The following PARN variants were observed in gnomAD, a reference collection of about 807,000 sequenced individuals.
PARN encodes poly(A)-specific ribonuclease PARN.
PARN carries 71 observed loss-of-function variants against 102.8 expected under a neutral mutation model. The ratio of observed to expected loss-of-function variants is 0.69; its 90% CI spans 0.57 to 0.84. PARN has a LOEUF of 0.84. Among genes scored for constraint, PARN ranks in the 40% least tolerant of loss-of-function variants. PARN has a pLI of 0.00. For synonymous variants in PARN, 261 were observed against 252.9 expected (o/e 1.03, Z -0.30); for missense variants, 782 against 760.9 (o/e 1.03, Z -0.33).
chr16:14,582,064 T>C, intron 17 of PARN, 117 bp downstream of exon 17: 1 of 742,588 alleles, frequency 1.3e-6, no homozygotes, highest in South Asian at 1.5e-5. Context: ...GAGAAATAAA[T>C]GTCTGTTGTT....
chr16:14,627,308 A>C lies in PARN; in HGVS notation c.206T>G (p.Phe69Cys). 6.3e-7 allele frequency: 1 copy of C among 1,593,522 alleles called. No homozygotes were observed. Among genetic ancestry groups the C allele is most frequent in the Non-Finnish European group, 8.6e-7 (1 of 1,169,318 alleles). ...KHSMDFLLFQ[F>C]GLCTFKYDYT... ...GTCATACTTAAAAGTGCAAAGGCCA[A>C]ACTGAAATAGCAAAAAGTCCATGGA... Residue 69 changes from phenylalanine to cysteine, a missense_variant, in exon 4 of 24, where the codon TTT (phenylalanine) becomes TGT (cysteine). Coordinates refer to ENST00000437198, the MANE Select transcript of PARN (RefSeq NM_002582.4).
At chr16:14,597,676 G>A (rs535799428) in intron 12 of PARN, among the ~76,000 whole-genome samples, 107 of 148,210 alleles carry the variant, frequency 7.2e-4, no homozygotes, top group Non-Finnish European at 1.3e-3. Context: ...CAGCGTGGGC[G>A]ACAAAGCAAG....
At chr16:14,492,291 C>A (rs1482506460) in intron 21 of PARN, among the ~76,000 whole-genome samples, 4 of 152,136 alleles carry the variant, frequency 2.6e-5, no homozygotes, top group African/African-American at 4.8e-5. Flanking sequence ...CATGGCAGCG[C>A]CTGACCCATG....
rs1391527113 is a variant in PARN at position 14,569,037 on chromosome 16, C to A, written c.1262+11837G>T. Among the ~76,000 whole-genome samples the A allele has an allele frequency of 2.0e-5, 3 of 151,916 alleles. No homozygotes were observed. The East Asian group carries it at 5.8e-4, about 29-fold the overall frequency. On this transcript the variant is annotated intron_variant, in intron 18 of 23. Transcript: ENST00000437198. ...GACCAGCCTGGCCAACATGGTTAAA[C>A]CCCGTCTCTACTAAAAATACAAAAA...
intron 21 of PARN, among the ~76,000 whole-genome samples, chr16:14,505,391 C>G (rs964628592): frequency 2.0e-5 from 3 of 152,162 alleles, no homozygotes; most frequent in Non-Finnish European, 4.4e-5. Flanking sequence ...GTGGGAGGAC[C>G]TCGAGCCCAG....
chr16:14,481,000 C>T (rs1231675275), intron 22 of PARN, among the ~76,000 whole-genome samples: 2 of 151,868 alleles, frequency 1.3e-5, no homozygotes, highest in African/African-American at 4.8e-5. Context: ...GCATGAAATG[C>T]TGACAAGGAT....
chr16:14,516,425 T>C (rs1050810475), intron 21 of PARN, among the ~76,000 whole-genome samples: 3 of 151,848 alleles, frequency 2.0e-5, no homozygotes, highest in African/African-American at 7.3e-5. Flanking sequence ...CCAAAACAAC[T>C]AGTCAAAATA....
rs1451759138 is a variant in PARN, at chr16:14,468,592, A to G, written c.1670+14046T>C. 2.6e-5 allele frequency among the ~76,000 whole-genome samples: 4 copies of G among 152,310 alleles called. No homozygotes were observed. In the East Asian group the frequency reaches 7.7e-4, roughly 29 times the overall value. On this transcript the variant is annotated intron_variant, in intron 22 of 23. Transcript: ENST00000437198. ...GATGGGCAGGTAAGCCATCAGCCAC[A>G]TGGGCATTAGCTAATTATTCTGTTC...
intron 18 of PARN, among the ~76,000 whole-genome samples, chr16:14,562,185 A>T (rs1258639569): frequency 6.6e-6 from 1 of 152,162 alleles, no homozygotes; most frequent in Non-Finnish European, 1.5e-5. Flanking sequence ...ATTTTAAAAA[A>T]GAAAAAAACT....
chr16:14,590,156 C>A (rs1490586437), intron 13 of PARN, among the ~76,000 whole-genome samples: 3 of 128,284 alleles, frequency 2.3e-5, no homozygotes, highest in African/African-American at 5.9e-5. Context: ...GGGGCTGAGT[C>A]AAGAGAATCA....
chr16:14,502,116 G>A (rs987489110), intron 21 of PARN, among the ~76,000 whole-genome samples: 3 of 152,168 alleles, frequency 2.0e-5, no homozygotes, highest in Non-Finnish European at 4.4e-5. Flanking sequence ...GCCTCTCTGG[G>A]CAACTGTTTT....
chr16:14,598,707 C>T (rs1970681528), intron 12 of PARN, among the ~76,000 whole-genome samples: 1 of 152,172 alleles, frequency 6.6e-6, no homozygotes, highest in Admixed American at 6.5e-5. Flanking sequence ...GTGAGCCAAC[C>T]CTCTTCTTTT....
intron 21 of PARN, among the ~76,000 whole-genome samples, chr16:14,514,328 G>A (rs375742947): frequency 3.1e-4 from 47 of 152,198 alleles, no homozygotes; most frequent in African/African-American, 8.9e-4. Context: ...GGGACTACAG[G>A]TGCCCACCAC....
chr16:14,448,965 G>T (rs16963751), intron 22 of PARN, among the ~76,000 whole-genome samples: 6,551 of 152,228 alleles, frequency 0.043, 156 homozygotes, highest in African/African-American at 0.051. Flanking sequence ...TTAAAAACTG[G>T]TAATACCTTT....
At chr16:14,486,941 G>T (rs146378278) in intron 21 of PARN, among the ~76,000 whole-genome samples, 27 of 152,366 alleles carry the variant, frequency 1.8e-4, no homozygotes, top group Non-Finnish European at 3.8e-4. Flanking sequence ...AATGTGCTAA[G>T]AGTCCTCCCT....
intron 21 of PARN, among the ~76,000 whole-genome samples, chr16:14,501,294 C>CAA (rs1964576126): frequency 1.4e-5 from 2 of 142,162 alleles, no homozygotes; most frequent in African/African-American, 5.2e-5. Context: ...AACAAAAAAA[C>CAA]AATAATAATA....
At chr16:14,564,702 C>G (rs1434816917) in intron 18 of PARN, among the ~76,000 whole-genome samples, 5 of 152,126 alleles carry the variant, frequency 3.3e-5, no homozygotes, top group Non-Finnish European at 5.9e-5. Context: ...AGAGTTTATT[C>G]TGGTCTCTCT....
At chr16:14,470,433 G>GGATGAT (rs150764987) in intron 22 of PARN, among the ~76,000 whole-genome samples, 21 of 124,014 alleles carry the variant, frequency 1.7e-4, no homozygotes, top group African/African-American at 7.1e-4. Flanking sequence ...CTTAGAGTTT[G>GGATGAT]GATGATTATT....
intron 22 of PARN, among the ~76,000 whole-genome samples, chr16:14,458,807 A>C (rs1324289032): frequency 6.6e-6 from 1 of 152,152 alleles, no homozygotes; most frequent in Admixed American, 6.5e-5. Context: ...GGCCAGTAGG[A>C]GCTAGATAGG....
Sources: gnomAD v4.1 joint callset for allele counts (sites outside exome capture counted in the v4.1 genomes callset) on GRCh38, gnomAD v4.1.1 for gene constraint, MANE v1.5 for transcripts, NCBI Gene and HGNC (gene_info 2026-07-23, HGNC 2026-07-21) for gene names.